The following ARID2 variants were observed in gnomAD, a reference collection of about 807,000 sequenced individuals.
The protein encoded by ARID2 is AT-rich interactive domain-containing protein 2.
A neutral mutation model predicts 184.6 loss-of-function variants in ARID2; 32 were observed. That is an observed-to-expected ratio of 0.17 (90% CI 0.13 to 0.23). ARID2 has a LOEUF of 0.23. ARID2 is among the 10% of genes least tolerant of loss of function. ARID2 has a pLI of 1.00. For missense variants in ARID2, 1,696 were observed against 2,197.6 expected, an observed-to-expected ratio of 0.77 and a Z score of 4.56; for synonymous variants, 836 against 772.6, an observed-to-expected ratio of 1.08 and a Z score of -1.36.
intron 3 of ARID2, among the ~76,000 whole-genome samples, chr12:45,747,662 G>A (rs1221618737): frequency 1.3e-5 from 2 of 152,046 alleles, no homozygotes; most frequent in African/African-American, 2.4e-5. Context: ...TAATAGTATA[G>A]CATTTCATTC....
chr12:45,761,327 A>G (rs531571107), intron 3 of ARID2, among the ~76,000 whole-genome samples: 14 of 152,066 alleles, frequency 9.2e-5, no homozygotes, highest in Non-Finnish European at 1.8e-4. Context: ...TTTCCTTCCC[A>G]TATTTTGTTG....
At chr12:45,821,559 C>T (rs1244966987) in intron 6 of ARID2, 72 bp downstream of exon 6, 10 of 922,744 alleles carry the variant, frequency 1.1e-5, no homozygotes, top group Non-Finnish European at 1.6e-5. Context: ...TCAGTGGTTG[C>T]TTATTTAATA....
rs777690388 is a variant in ARID2, at chr12:45,852,175, G to A, written c.4052G>A (p.Ser1351Asn). 2 of 1,614,098 alleles carry A rather than the reference G, an allele frequency of 1.2e-6. No homozygotes were observed. The highest frequency in any genetic ancestry group is 1.7e-6 in the Non-Finnish European group (2 of 1,180,000). The change falls in exon 15 of 21, where the codon AGT (serine) becomes AAT (asparagine). Residue 1351 changes from serine to asparagine, a missense_variant. This residue lies in a region of ARID2 where 428 missense variants were observed against 409.1 expected (regional missense o/e 1.05). Coordinates refer to ENST00000334344, the MANE Select transcript of ARID2 (RefSeq NM_152641.4). ...CAAATAGACATGCAAGATATCAAAA[G>A]TGATTTGAGAAAACCGCTAGTTAAT... The part of the protein sequence containing the change: ...SEQIDMQDIK[S>N]DLRKPLVNGI...
Position 45,852,096 on chromosome 12 carries a change from G to A in ARID2, c.3973G>A (p.Gly1325Arg), listed in dbSNP as rs776240045. 25 of 1,613,962 alleles carry A rather than the reference G, an allele frequency of 1.5e-5. No homozygotes were observed. Among genetic ancestry groups the A allele is most frequent in the Non-Finnish European group, 2.1e-5 (25 of 1,180,004 alleles). ...TAATCAGTGCTCACTAATCAGTAAT[G>A]GGCCATCATTGGAATTAGGTGAGAA... is the stretch of plus-strand genomic sequence containing the variant. The part of the protein sequence containing the change: ...ETNQCSLISN[G>R]PSLELGENGA... The change falls in exon 15 of 21, where the codon GGG becomes AGG. Residue 1325 changes from glycine to arginine, a missense_variant. By Grantham distance (125) the Gly-to-Arg change is moderately radical. Around this residue, in one of 11 missense-constraint regions of ARID2, gnomAD observed 428 missense variants for 409.1 expected, o/e 1.05. Coordinates refer to ENST00000334344, the MANE Select transcript of ARID2 (RefSeq NM_152641.4).
intron 3 of ARID2, among the ~76,000 whole-genome samples, chr12:45,767,222 A>C (rs1035499466): frequency 2.0e-5 from 3 of 151,996 alleles, no homozygotes; most frequent in Admixed American, 6.6e-5. Flanking sequence ...TCTTTTGTGC[A>C]CCTTTGAAAT....
intron 3 of ARID2, among the ~76,000 whole-genome samples, chr12:45,768,752 A>G (rs1941816776): frequency 6.6e-6 from 1 of 152,168 alleles, no homozygotes; most frequent in Admixed American, 6.5e-5. Flanking sequence ...AATCTCAAAC[A>G]TTGGCCCCCG....
At chr12:45,734,290 G>A (rs1941065163) in intron 3 of ARID2, among the ~76,000 whole-genome samples, 1 of 152,168 alleles carries the variant, frequency 6.6e-6, no homozygotes, top group African/African-American at 2.4e-5. Context: ...AACTGCTTGA[G>A]CCCGGGAGTC....
At chr12:45,867,973 TC>T (rs1160144004) in intron 16 of ARID2, among the ~76,000 whole-genome samples, 1 of 152,124 alleles carries the variant, frequency 6.6e-6, no homozygotes, top group Non-Finnish European at 1.5e-5. Context: ...GCCCTAAAAA[TC>T]TTTTGTATTC....
chr12:45,858,429 C>G (rs1943689133), intron 15 of ARID2, among the ~76,000 whole-genome samples: 1 of 152,132 alleles, frequency 6.6e-6, no homozygotes, highest in Non-Finnish European at 1.5e-5. Flanking sequence ...CCTCCCATGC[C>G]ACTTTCTCAC....
rs574994733 is a variant in ARID2 at position 45,815,945 on chromosome 12, G to A, written c.419-1725G>A. ...CAAAGTGTTGGGATTATAGGCATGA[G>A]CCACCATGCCCAGCCTGAAATATTC... On this transcript the variant is annotated intron_variant, in intron 4 of 20. Transcript: ENST00000334344. Among the ~76,000 whole-genome samples, 4 of 152,264 alleles carry A rather than the reference G, an allele frequency of 2.6e-5. No homozygotes were observed. In the East Asian group the frequency reaches 5.8e-4, roughly 22 times the overall value.
At chr12:45,863,627 C>T (rs1943785806) in intron 16 of ARID2, among the ~76,000 whole-genome samples, 1 of 151,580 alleles carries the variant, frequency 6.6e-6, no homozygotes. Context: ...TCTTTGTTTC[C>T]ATCAGATTTA....
intron 12 of ARID2, 126 bp downstream of exon 12, chr12:45,847,063 C>G: frequency 4.3e-6 from 3 of 692,686 alleles, no homozygotes; most frequent in Non-Finnish European, 7.0e-6. Context: ...AGTAGAATAT[C>G]ATTTACACAA....
At chr12:45,757,136 A>C (rs935865773) in intron 3 of ARID2, among the ~76,000 whole-genome samples, 1 of 152,170 alleles carries the variant, frequency 6.6e-6, no homozygotes, top group Non-Finnish European at 1.5e-5. Flanking sequence ...TCATTGTACA[A>C]TTTTGGATGA....
At chr12:45,805,431 T>C (rs1434371225) in intron 3 of ARID2, among the ~76,000 whole-genome samples, 1 of 152,096 alleles carries the variant, frequency 6.6e-6, no homozygotes, top group African/African-American at 2.4e-5. Flanking sequence ...AAAATTCAGA[T>C]GAGGAGTATT....
chr12:45,730,470 G>T (rs867503485), intron 2 of ARID2, among the ~76,000 whole-genome samples: 83 of 150,310 alleles, frequency 5.5e-4, no homozygotes, highest in African/African-American at 2.0e-3. Context: ...CGCCCGCCCC[G>T]CTCCCGCGCC....
At chr12:45,781,520 G>T (rs1565593669) in intron 3 of ARID2, among the ~76,000 whole-genome samples, 1 of 150,674 alleles carries the variant, frequency 6.6e-6, no homozygotes, top group African/African-American at 2.4e-5. Flanking sequence ...TAAGTACCAA[G>T]TCTTACAAGA....
At chr12:45,840,211 C>T (rs1410924575) in intron 11 of ARID2, 1 of 152,090 alleles carries the variant, frequency 6.6e-6, no homozygotes, top group African/African-American at 2.4e-5. Context: ...TTCATCTCAC[C>T]TACCCTTCCA....
Position 45,860,853 on chromosome 12 carries a change from G to A in ARID2, c.4826G>A (p.Ser1609Asn), listed in dbSNP as rs528287228. Reference protein sequence around the residue: ...PAVQVQGQPNSSQPSPFSGSS... With the variant: ...PAVQVQGQPNNSQPSPFSGSS... ...GTACAAGTGCAGGGCCAGCCTAACA[G>A]TTCTCAGCCTTCTCCATTCAGTGGA... Residue 1609 changes from serine to asparagine, a missense_variant, in exon 16 of 21, where the codon AGT becomes AAT. Ser to Asn is a conservative substitution (Grantham distance 46). Coordinates refer to ENST00000334344, the MANE Select transcript of ARID2 (RefSeq NM_152641.4). 1.2e-6 allele frequency: 2 copies of A among 1,609,006 alleles called. No individual in the cohort carries two copies. Among genetic ancestry groups the A allele is most frequent in the East Asian group, 2.2e-5 (1 of 44,570 alleles).
chr12:45,878,187 A>G (rs74717230), intron 16 of ARID2, among the ~76,000 whole-genome samples: 1 of 152,016 alleles, frequency 6.6e-6, no homozygotes, highest in Non-Finnish European at 1.5e-5. Context: ...TTTGAATATG[A>G]TGTGGCTAGG....
Sources: gnomAD v4.1 joint callset for allele counts (sites outside exome capture counted in the v4.1 genomes callset) on GRCh38, gnomAD v4.1.1 for gene constraint, gnomAD v4.1.1 regional missense constraint, MANE v1.5 for transcripts, NCBI Gene and HGNC (gene_info 2026-07-23, HGNC 2026-07-21) for gene names.